The following FNDC3A variants were observed in gnomAD, a reference collection of about 807,000 sequenced individuals.
FNDC3A encodes the protein fibronectin type-III domain-containing protein 3A.
FNDC3A carries 32 observed loss-of-function variants against 148.9 expected under a neutral mutation model. The observed-to-expected ratio is 0.21, with a 90% CI of 0.16 to 0.29. The LOEUF is 0.29. Among genes scored for constraint, FNDC3A ranks in the 10% least tolerant of loss-of-function variants. The pLI is 1.00. For synonymous variants in FNDC3A, 472 were observed against 473.6 expected (o/e 1.00, Z 0.04); for missense variants, 1,191 against 1,452.8 (o/e 0.82, Z 2.93).
At chr13:49,037,668 G>A (rs1310107432) in intron 2 of FNDC3A, among the ~76,000 whole-genome samples, 9 of 152,152 alleles carry the variant, frequency 5.9e-5, no homozygotes, top group African/African-American at 2.4e-5. Flanking sequence ...AGGGTGAAAC[G>A]GGAGAGTTCC....
At chr13:49,091,283 G>C (rs957577547) in intron 3 of FNDC3A, among the ~76,000 whole-genome samples, 12 of 147,160 alleles carry the variant, frequency 8.2e-5, no homozygotes, top group Admixed American at 2.0e-4. Context: ...GAAAAAAAAA[G>C]AAATAAACAG....
intron 2 of FNDC3A, among the ~76,000 whole-genome samples, chr13:49,020,282 A>T (rs1287554461): frequency 6.6e-6 from 1 of 152,216 alleles, no homozygotes; most frequent in African/African-American, 2.4e-5. Context: ...TTAATGATAC[A>T]CGATTTGAGA....
At chr13:49,125,427 G>A (rs1881635062) in intron 4 of FNDC3A, among the ~76,000 whole-genome samples, 1 of 152,184 alleles carries the variant, frequency 6.6e-6, no homozygotes, top group Non-Finnish European at 1.5e-5. Context: ...TATTGTTTAA[G>A]AGCTTAAAGT....
Position 49,001,261 on chromosome 13 carries a change from A to G in FNDC3A, c.-39-4891A>G, listed in dbSNP as rs372130704. On this transcript the variant is annotated intron_variant, in intron 1 of 25. Coordinates refer to ENST00000492622, the MANE Select transcript of FNDC3A (RefSeq NM_001079673.2). ...TTCATAGACACTTATCACTTCCCCA[A>G]TCAATACCCTTGTGATTTCCTGTGC... Among the ~76,000 whole-genome samples, 29 of 152,326 alleles carry G rather than the reference A, an allele frequency of 1.9e-4. 2 individuals carry two copies. The South Asian group carries it at 2.7e-3, about 14-fold the overall frequency.
intron 3 of FNDC3A, among the ~76,000 whole-genome samples, chr13:49,106,773 C>CAAAAAAAAAAAAAAAAAAAAAAAAAAAA (rs543962565): frequency 7.5e-5 from 6 of 79,842 alleles, no homozygotes; most frequent in East Asian, 4.0e-4. Context: ...TGAATGAAAG[C>CAAAAAAAAAAAAAAAAAAAAAAAAAAAA]AAAAAAAAAA....
chr13:48,997,018 G>A (rs2407265), intron 1 of FNDC3A, among the ~76,000 whole-genome samples: 92,819 of 151,144 alleles, frequency 0.61, 29,250 homozygotes, highest in Non-Finnish European at 0.68. Context: ...GGCGGAGATC[G>A]CACCATTGCA....
chr13:49,170,487 C>T (rs1884698511), intron 10 of FNDC3A, among the ~76,000 whole-genome samples: 1 of 152,066 alleles, frequency 6.6e-6, no homozygotes, highest in Non-Finnish European at 1.5e-5. Flanking sequence ...TTAGAATTGC[C>T]AGAGCATGGT....
chr13:48,991,957 A>G (rs1183493068), intron 1 of FNDC3A, among the ~76,000 whole-genome samples: 1 of 152,222 alleles, frequency 6.6e-6, no homozygotes, highest in African/African-American at 2.4e-5. Context: ...TTTATAATAA[A>G]GTGTTGAATG....
At chr13:48,993,957 T>C (rs1951971452) in intron 1 of FNDC3A, among the ~76,000 whole-genome samples, 1 of 152,220 alleles carries the variant, frequency 6.6e-6, no homozygotes, top group Admixed American at 6.5e-5. Context: ...TATAGAAAAC[T>C]GTGTTTCACT....
chr13:49,164,622 T>C (rs1014921731), intron 8 of FNDC3A, among the ~76,000 whole-genome samples: 1 of 152,074 alleles, frequency 6.6e-6, no homozygotes, highest in African/African-American at 2.4e-5. Flanking sequence ...TTTTTTTTTT[T>C]CTTGAGACAG....
intron 3 of FNDC3A, among the ~76,000 whole-genome samples, chr13:49,091,737 G>T (rs1360133307): frequency 6.6e-6 from 1 of 152,234 alleles, no homozygotes; most frequent in Non-Finnish European, 1.5e-5. Context: ...CAGGCTGGGG[G>T]AGAGAAGGCA....
intron 2 of FNDC3A, among the ~76,000 whole-genome samples, chr13:49,060,195 T>C (rs549151147): frequency 1.8e-4 from 28 of 152,184 alleles, no homozygotes; most frequent in African/African-American, 6.5e-4. Flanking sequence ...CCAAAAGAAA[T>C]GAAAACAAGT....
rs773044050 is a variant in FNDC3A at position 49,198,128 on chromosome 13, A to G, written c.2637A>G (p.Ala879=). ...ATTATTCACCTTCTACATGCCTTGC[A>G]ATAAGCTGGGAAAAGCCTTGTGATC... ...NPHYSPSTCL[A]ISWEKPCDHG... is the part of the protein sequence containing the mutation. The change falls in exon 22 of 26, where the codon GCA becomes GCG. Residue 879 remains alanine, a synonymous_variant. Transcript: ENST00000492622. The G allele has an allele frequency of 6.2e-7, 1 of 1,614,230 alleles. No homozygotes were observed. Among genetic ancestry groups the G allele is most frequent in the Non-Finnish European group, 8.5e-7 (1 of 1,180,034 alleles).
At chr13:49,121,354 A>T (rs1331267489) in intron 4 of FNDC3A, among the ~76,000 whole-genome samples, 1 of 152,256 alleles carries the variant, frequency 6.6e-6, no homozygotes, top group Non-Finnish European at 1.5e-5. Flanking sequence ...CAGTATGTAG[A>T]GGGAAATTTA....
intron 6 of FNDC3A, among the ~76,000 whole-genome samples, chr13:49,138,288 T>C (rs900722069): frequency 5.3e-5 from 8 of 152,160 alleles, no homozygotes; most frequent in African/African-American, 1.9e-4. Context: ...AGTTAAAGTT[T>C]TTTGCCTATC....
At chr13:49,140,934 A>G (rs568486442) in intron 7 of FNDC3A, among the ~76,000 whole-genome samples, 7 of 152,328 alleles carry the variant, frequency 4.6e-5, no homozygotes, top group Non-Finnish European at 1.0e-4. Flanking sequence ...GTGGTTGGGC[A>G]TTGAGGACAG....
At chr13:49,159,097 A>G (rs1265649831) in intron 8 of FNDC3A, among the ~76,000 whole-genome samples, 1 of 152,216 alleles carries the variant, frequency 6.6e-6, no homozygotes, top group Non-Finnish European at 1.5e-5. Context: ...TGTCTTGACA[A>G]TGTGGGCTCT....
chr13:49,196,080 C>CAAAAAAAAAA (rs71076070), intron 19 of FNDC3A, among the ~76,000 whole-genome samples: 1 of 71,558 alleles, frequency 1.4e-5, no homozygotes, highest in Non-Finnish European at 2.6e-5. Flanking sequence ...GACCTTGTCT[C>CAAAAAAAAAA]AAAAAAAAAA....
intron 2 of FNDC3A, among the ~76,000 whole-genome samples, chr13:49,064,265 T>G (rs1266997487): frequency 2.6e-5 from 4 of 151,964 alleles, no homozygotes; most frequent in African/African-American, 7.3e-5. Flanking sequence ...CGCTTGAACC[T>G]GGGAGGTGGA....
Sources: allele counts gnomAD v4.1 joint callset (sites outside exome capture counted in the v4.1 genomes callset), GRCh38; gene constraint gnomAD v4.1.1; transcripts MANE v1.5; gene names NCBI Gene and HGNC (gene_info 2026-07-23, HGNC 2026-07-21).